ZNF148: variants seen among roughly 807,000 people sequenced by gnomAD.
The protein encoded by ZNF148 is Beta-Enolase Repressor Factor-1.
A neutral mutation model predicts 67.7 loss-of-function variants in ZNF148; 7 were observed. That is an observed-to-expected ratio of 0.10 (90% CI 0.06 to 0.19). The LOEUF (loss-of-function observed/expected upper bound fraction) is 0.19, where lower values mean the gene tolerates loss of function less well. ZNF148 is among the 10% of genes least tolerant of loss of function. The pLI, the probability that ZNF148 is intolerant of heterozygous loss-of-function variation, is 1.00. For synonymous variants in ZNF148, 333 were observed against 330.7 expected (o/e 1.01, Z -0.08); for missense variants, 583 against 947.1 (o/e 0.62, Z 5.05).
At chr3:125,361,676 T>C (rs1453100885) in intron 1 of ZNF148, among the ~76,000 whole-genome samples, 1 of 151,970 alleles carries the variant, frequency 6.6e-6, no homozygotes, top group African/African-American at 2.4e-5. Context: ...CCTTTAAAAA[T>C]ACAGAAAATT....
At chr3:125,320,061 T>A (rs1940701485) in intron 3 of ZNF148, among the ~76,000 whole-genome samples, 1 of 152,196 alleles carries the variant, frequency 6.6e-6, no homozygotes, top group Admixed American at 6.5e-5. Flanking sequence ...TTCAACACTT[T>A]CCACGTTTTC....
At chr3:125,319,923 C>T (rs182896248) in intron 3 of ZNF148, among the ~76,000 whole-genome samples, 16 of 152,360 alleles carry the variant, frequency 1.1e-4, no homozygotes, top group Admixed American at 7.8e-4. Flanking sequence ...ACCACCTGCT[C>T]TTAAGGCCTT....
intron 5 of ZNF148, among the ~76,000 whole-genome samples, chr3:125,280,536 C>A (rs1938321456): frequency 6.6e-6 from 1 of 151,662 alleles, no homozygotes; most frequent in African/African-American, 2.4e-5. Flanking sequence ...CAAAAATTAG[C>A]CAGGTGTGGT....
intron 1 of ZNF148, among the ~76,000 whole-genome samples, chr3:125,370,169 G>A (rs1372440687): frequency 7.2e-5 from 11 of 151,878 alleles, no homozygotes; most frequent in Non-Finnish European, 1.6e-4. Flanking sequence ...GATTAAACTA[G>A]CTTCAAATTT....
chr3:125,365,040 C>T (rs1481165558), intron 1 of ZNF148, among the ~76,000 whole-genome samples: 2 of 152,166 alleles, frequency 1.3e-5, no homozygotes, highest in African/African-American at 4.8e-5. Flanking sequence ...GTCTAAGCTT[C>T]GCACCAATTT....
chr3:125,234,476 A>T (rs7619480), intron 7 of ZNF148, 147 bp from the exon 8 acceptor site: 452,644 of 610,142 alleles, frequency 0.74, 170,600 homozygotes, highest in African/African-American at 0.85. Context: ...ATAAAAATGA[A>T]AAGGATTAGC....
intron 1 of ZNF148, among the ~76,000 whole-genome samples, chr3:125,337,637 C>A (rs1252505705): frequency 6.6e-6 from 1 of 150,542 alleles, no homozygotes; most frequent in African/African-American, 2.5e-5. Context: ...TGATAAAGTA[C>A]TTTAGAGTTT....
chr3:125,302,289 G>A (rs911854530), intron 4 of ZNF148, among the ~76,000 whole-genome samples: 35 of 141,624 alleles, frequency 2.5e-4, no homozygotes, highest in Admixed American at 9.4e-4. Context: ...ACAGTGAGAG[G>A]ATCACTTGAC....
chr3:125,276,070 G>A (rs1938045960), intron 7 of ZNF148, among the ~76,000 whole-genome samples: 1 of 152,124 alleles, frequency 6.6e-6, no homozygotes, highest in Non-Finnish European at 1.5e-5. Flanking sequence ...GAAAGAAACT[G>A]CCTTCTGTTA....
intron 7 of ZNF148, among the ~76,000 whole-genome samples, chr3:125,277,387 CA>C (rs1346914468): frequency 6.6e-6 from 1 of 152,154 alleles, no homozygotes. Flanking sequence ...CTTTAGGAGT[CA>C]GGAATTTGCT....
At chr3:125,322,690 T>C (rs1940836960) in intron 3 of ZNF148, among the ~76,000 whole-genome samples, 1 of 152,176 alleles carries the variant, frequency 6.6e-6, no homozygotes, top group South Asian at 2.1e-4. Flanking sequence ...CTCCATTTAA[T>C]CTCAAGATAG....
At chr3:125,332,174 T>C (rs887733153) in intron 1 of ZNF148, among the ~76,000 whole-genome samples, 1 of 152,224 alleles carries the variant, frequency 6.6e-6, no homozygotes, top group African/African-American at 2.4e-5. Context: ...ACAGTCTTTC[T>C]GATAATTTAG....
intron 2 of ZNF148, among the ~76,000 whole-genome samples, chr3:125,326,748 ATATATACATATAAAGATATATATATCTT>A (rs1230849142): frequency 6.8e-6 from 1 of 147,496 alleles, no homozygotes; most frequent in African/African-American, 2.5e-5. Flanking sequence ...ATTTATATGT[ATATATACATATAAAGATATATATATCTT>A]TATATACATA....
At position 125,232,418 on chromosome 3, in the gene ZNF148, G is replaced by A. The variant is rs137930153; in HGVS notation, c.2308C>T (p.Pro770Ser). The A allele has an allele frequency of 6.2e-7, 1 of 1,613,270 alleles. No homozygotes were observed. The highest frequency in any genetic ancestry group is 8.5e-7 in the Non-Finnish European group (1 of 1,179,676). Residue 770 changes from proline (P) to serine (S), a missense_variant, in exon 9 of 9, where the codon CCC becomes TCC. Pro to Ser is a moderately conservative substitution (Grantham distance 74). Around this residue, in one of 5 missense-constraint regions of ZNF148, gnomAD observed 158 missense variants for 208.4 expected, o/e 0.76. Coordinates refer to ENST00000360647, the MANE Select transcript of ZNF148 (RefSeq NM_021964.3). This position sits in a 1 kb window ranked among gnomAD's most constrained non-coding sequence, Gnocchi z 4.2. ...CTATTATCATTTACATTCACCAAGG[G>A]AAATTCTGAAAATTCAGCACTTGTC... Reference protein sequence around the residue: ...PGTSAEFSEFPLVNVNDNRAG... With the variant: ...PGTSAEFSEFSLVNVNDNRAG...
rs114022159 is a variant in ZNF148, at chr3:125,282,268, T to A, written c.460-3021A>T. Among the ~76,000 whole-genome samples, 730 of 152,270 alleles carry A rather than the reference T, an allele frequency of 4.8e-3. 6 individuals carry two copies. The highest frequency in any genetic ancestry group is 0.017 in the African/African-American group (697 of 41,570). On this transcript the variant is annotated intron_variant, in intron 5 of 8. Transcript: ENST00000360647. ...CTCACACCTTTTCAAGATCTTTTAG[T>A]AGAATGTGATCTACCAGCTGAGTGT...
At chr3:125,235,202 T>C (rs775128684) in intron 7 of ZNF148, among the ~76,000 whole-genome samples, 6 of 152,224 alleles carry the variant, frequency 3.9e-5, no homozygotes, top group Non-Finnish European at 8.8e-5. Flanking sequence ...ACTACTACTA[T>C]ATCCAAACCC....
chr3:125,249,150 C>A (rs1056491152), intron 7 of ZNF148, among the ~76,000 whole-genome samples: 7 of 151,942 alleles, frequency 4.6e-5, no homozygotes, highest in African/African-American at 1.7e-4. Flanking sequence ...ACAACAAAAC[C>A]ATAAGCAAAT....
Position 125,313,451 on chromosome 3 carries a change from A to T in ZNF148, c.190T>A (p.Leu64Ile). ...HQEILAADEV[L>I]QESEMRQQDM... ...TGTTGTCTCATTTCACTTTCTTGTA[A>T]CACTTCATCTGCAGCAAGGATCTCC... The change falls in exon 4 of 9, where the codon TTA becomes ATA. Residue 64 changes from leucine to isoleucine, a missense_variant. Coordinates refer to ENST00000360647, the MANE Select transcript of ZNF148 (RefSeq NM_021964.3). 1 of 1,614,108 alleles carries T rather than the reference A, an allele frequency of 6.2e-7. No individual in the cohort carries two copies. Among genetic ancestry groups the T allele is most frequent in the Non-Finnish European group, 8.5e-7 (1 of 1,180,032 alleles).
chr3:125,251,341 T>C (rs1422523783), intron 7 of ZNF148, among the ~76,000 whole-genome samples: 2 of 152,218 alleles, frequency 1.3e-5, no homozygotes, highest in Non-Finnish European at 2.9e-5. Context: ...ACACAGAAGG[T>C]ACCCTCACTA....
Sources: allele counts gnomAD v4.1 joint callset (sites outside exome capture counted in the v4.1 genomes callset), GRCh38; gene constraint gnomAD v4.1.1; regional missense constraint gnomAD v4.1.1; non-coding constraint Gnocchi (gnomAD v3.1); transcripts MANE v1.5; gene names NCBI Gene and HGNC (gene_info 2026-07-23, HGNC 2026-07-21).